Variants in CNTNAP5 observed in about 807,000 individuals in gnomAD.
The protein encoded by CNTNAP5 is contactin-associated protein-like 5.
Under a neutral mutation model 150.2 loss-of-function variants are expected in CNTNAP5, and 72 were observed. That is an observed-to-expected ratio of 0.48 (90% CI 0.40 to 0.58). The LOEUF (loss-of-function observed/expected upper bound fraction) is 0.58, where lower values mean the gene tolerates loss of function less well. CNTNAP5 is among the 20% of genes least tolerant of loss of function. The pLI, the probability that CNTNAP5 is intolerant of heterozygous loss-of-function variation, is 0.00. For missense variants in CNTNAP5, 1,636 were observed against 1,626.2 expected, an observed-to-expected ratio of 1.01 and a Z score of -0.10; for synonymous variants, 672 against 619.8, an observed-to-expected ratio of 1.08 and a Z score of -1.25.
intron 1 of CNTNAP5, among the ~76,000 whole-genome samples, chr2:124,212,282 A>C (rs910708581): frequency 2.0e-5 from 3 of 152,140 alleles, no homozygotes; most frequent in African/African-American, 4.8e-5. Flanking sequence ...AGAACCAATA[A>C]ATTCTGAGCA....
chr2:124,503,114 G>A lies in CNTNAP5; in HGVS notation c.1063-1178G>A, dbSNP rs942233087. ...CTTTGACACATTAATTAACTTGTGAGGATCTAGCCTGAAGGGAAGAAAACA... is the reference window on the plus strand; with the variant it reads ...CTTTGACACATTAATTAACTTGTGAAGATCTAGCCTGAAGGGAAGAAAACA... On this transcript the variant is annotated intron_variant, in intron 7 of 23. Transcript: ENST00000682447. Among the ~76,000 whole-genome samples the A allele has an allele frequency of 5.9e-5, 9 of 152,154 alleles. No individual in the cohort carries two copies. In the East Asian group the frequency reaches 9.6e-4, roughly 16 times the overall value.
chr2:124,803,093 C>T lies in CNTNAP5; in HGVS notation c.3217+4773C>T, dbSNP rs192490840. Among the ~76,000 whole-genome samples, 115 of 143,676 alleles carry T rather than the reference C, an allele frequency of 8.0e-4. 1 individual carries two copies. The East Asian group carries it at 0.013, about 17-fold the overall frequency. 94.3% of individuals were successfully genotyped at this position (143,676 alleles called of 152,430 possible). Reference sequence around the variant, plus strand: ...TCACGCCACTGCACTCCAGGCTGGGCGACAGAGCAAGACTCCTTCAAAAAA... The same window carrying T: ...TCACGCCACTGCACTCCAGGCTGGGTGACAGAGCAAGACTCCTTCAAAAAA... On this transcript the variant is annotated intron_variant, in intron 19 of 23. Transcript: ENST00000682447.
At chr2:124,835,693 A>C (rs1206159433) in intron 19 of CNTNAP5, among the ~76,000 whole-genome samples, 2 of 152,182 alleles carry the variant, frequency 1.3e-5, no homozygotes, top group Non-Finnish European at 2.9e-5. Context: ...TATGGTGTGC[A>C]AGCCTGGAAA....
chr2:124,209,126 A>T (rs974406792), intron 1 of CNTNAP5, among the ~76,000 whole-genome samples: 5 of 151,978 alleles, frequency 3.3e-5, no homozygotes, highest in Non-Finnish European at 7.4e-5. Flanking sequence ...TCACACATTC[A>T]CTTCTGCCAT....
intron 21 of CNTNAP5, among the ~76,000 whole-genome samples, chr2:124,891,916 A>G (rs777231845): frequency 6.6e-6 from 1 of 152,102 alleles, no homozygotes; most frequent in Admixed American, 6.5e-5. Context: ...GAGTTTTCCA[A>G]TTGGCCCGGC....
rs138194907 is a variant in CNTNAP5, at chr2:124,500,732, G to A, written c.1063-3560G>A. On this transcript the variant is annotated intron_variant, in intron 7 of 23. Coordinates refer to ENST00000682447, the MANE Select transcript of CNTNAP5 (RefSeq NM_001367498.1). ...TGTCTGGGGATCCCTAGGGGCAAAT[G>A]TCTACTCCATCTTTGGCCCAGCACT... 9.1e-4 allele frequency among the ~76,000 whole-genome samples: 137 copies of A among 151,010 alleles called. 1 individual carries two copies. The highest frequency in any genetic ancestry group is 3.2e-3 in the African/African-American group (131 of 40,944).
At position 124,615,852 on chromosome 2, in the gene CNTNAP5, G is replaced by A. The variant is rs150999987; in HGVS notation, c.1876+5932G>A. On this transcript the variant is annotated intron_variant, in intron 12 of 23. Coordinates refer to ENST00000682447, the MANE Select transcript of CNTNAP5 (RefSeq NM_001367498.1). ...AGCTGCAGAGTAAATGTGATAGCAGGCAGGAAAACAACATTAACCTCTTTG... is the reference window on the plus strand; with the variant it reads ...AGCTGCAGAGTAAATGTGATAGCAGACAGGAAAACAACATTAACCTCTTTG... 2.6e-5 allele frequency among the ~76,000 whole-genome samples: 4 copies of A among 152,150 alleles called. No individual in the cohort carries two copies. In the East Asian group the frequency reaches 7.7e-4, roughly 29 times the overall value.
chr2:124,783,798 A>C (rs10169069), intron 17 of CNTNAP5, among the ~76,000 whole-genome samples: 10,916 of 152,166 alleles, frequency 0.072, 644 homozygotes, highest in African/African-American at 0.16. Flanking sequence ...GCATCCAGTT[A>C]ATACTACCAG....
intron 1 of CNTNAP5, among the ~76,000 whole-genome samples, chr2:124,055,924 A>C (rs1297817824): frequency 1.3e-5 from 2 of 151,212 alleles, no homozygotes; most frequent in Non-Finnish European, 2.9e-5. Flanking sequence ...ATCCATGTCC[A>C]CTGCCATGGC....
At chr2:124,644,991 G>A (rs1573518826) in intron 12 of CNTNAP5, among the ~76,000 whole-genome samples, 1 of 152,132 alleles carries the variant, frequency 6.6e-6, no homozygotes, top group African/African-American at 2.4e-5. Context: ...GAATAAACCA[G>A]TAGCACAACA....
intron 5 of CNTNAP5, among the ~76,000 whole-genome samples, chr2:124,442,980 G>A (rs866509146): frequency 2.6e-5 from 4 of 152,112 alleles, no homozygotes; most frequent in Middle Eastern, 3.4e-3. Context: ...GCACTCCTAG[G>A]CATTTAAATA....
chr2:124,884,153 T>A (rs1158343149), intron 21 of CNTNAP5, among the ~76,000 whole-genome samples: 1 of 152,112 alleles, frequency 6.6e-6, no homozygotes, highest in African/African-American at 2.4e-5. Context: ...TATTTGAATA[T>A]CTGTACATGC....
intron 14 of CNTNAP5, among the ~76,000 whole-genome samples, chr2:124,758,651 G>A (rs1328371077): frequency 6.6e-6 from 1 of 151,998 alleles, no homozygotes; most frequent in Non-Finnish European, 1.5e-5. Context: ...ACAGAATGCA[G>A]GCAATTATCT....
chr2:124,642,520 C>A (rs1446290107), intron 12 of CNTNAP5, among the ~76,000 whole-genome samples: 2 of 152,176 alleles, frequency 1.3e-5, no homozygotes, highest in African/African-American at 2.4e-5. Context: ...GATGAAAGAC[C>A]ACTCTTGACC....
intron 11 of CNTNAP5, among the ~76,000 whole-genome samples, chr2:124,585,882 TTCTC>T (rs1372155238): frequency 6.6e-6 from 1 of 152,042 alleles, no homozygotes; most frequent in Non-Finnish European, 1.5e-5. Flanking sequence ...GCTAAAACAC[TTCTC>T]TCTTTTTTAC....
chr2:124,076,793 T>C (rs903556521), intron 1 of CNTNAP5, among the ~76,000 whole-genome samples: 1 of 152,116 alleles, frequency 6.6e-6, no homozygotes, highest in African/African-American at 2.4e-5. Flanking sequence ...AAATTGGCAC[T>C]ATGCAAAGCT....
At chr2:124,618,116 C>T (rs1677528855) in intron 12 of CNTNAP5, among the ~76,000 whole-genome samples, 1 of 152,114 alleles carries the variant, frequency 6.6e-6, no homozygotes, top group Non-Finnish European at 1.5e-5. Context: ...CAGCAGCAAG[C>T]AAAGGCTGTT....
chr2:124,707,608 G>A (rs376053851), intron 13 of CNTNAP5, among the ~76,000 whole-genome samples: 10 of 151,304 alleles, frequency 6.6e-5, no homozygotes, highest in Middle Eastern at 3.4e-3. Flanking sequence ...CACATTCCTC[G>A]ATGGCCAGAA....
At chr2:124,541,878 T>A (rs1489489579) in intron 10 of CNTNAP5, among the ~76,000 whole-genome samples, 1 of 152,146 alleles carries the variant, frequency 6.6e-6, no homozygotes, top group African/African-American at 2.4e-5. Flanking sequence ...AACTCTTGTC[T>A]GCATTAAAAT....
Sources: gnomAD v4.1 joint callset for allele counts (sites outside exome capture counted in the v4.1 genomes callset) on GRCh38, gnomAD v4.1.1 for gene constraint, MANE v1.5 for transcripts, NCBI Gene and HGNC (gene_info 2026-07-23, HGNC 2026-07-21) for gene names.